PDE5A: variants seen among roughly 807,000 people sequenced by gnomAD.
PDE5A encodes cGMP-specific 3',5'-cyclic phosphodiesterase.
PDE5A carries 67 observed loss-of-function variants against 110.2 expected under a neutral mutation model. The ratio of observed to expected loss-of-function variants is 0.61; its 90% CI spans 0.50 to 0.75. The LOEUF is 0.75. Among genes scored for constraint, PDE5A ranks in the 30% least tolerant of loss-of-function variants. The pLI is 0.00. For synonymous variants in PDE5A, 328 were observed against 351.2 expected (o/e 0.93, Z 0.74); for missense variants, 862 against 1,045.1 (o/e 0.82, Z 2.42).
At chr4:119,609,015 A>G (rs2110551552) in intron 1 of PDE5A, among the ~76,000 whole-genome samples, 1 of 152,156 alleles carries the variant, frequency 6.6e-6, no homozygotes, top group East Asian at 1.9e-4. Flanking sequence ...AAAAAAAATT[A>G]GCCGGGCTTG....
At chr4:119,596,496 C>G in intron 3 of PDE5A, 27 bp downstream of exon 3, 2 of 1,300,122 alleles carry the variant, frequency 1.5e-6, no homozygotes, top group South Asian at 1.5e-5. Context: ...TTCCAATGAC[C>G]TTTTATAAAA....
rs573593307 is a variant in PDE5A at position 119,527,690 on chromosome 4, G to C, written c.1633-1995C>G. On this transcript the variant is annotated intron_variant, in intron 11 of 20. Coordinates refer to ENST00000354960, the MANE Select transcript of PDE5A (RefSeq NM_001083.4). ...CAGATTTTCACAGTTTCTTGTTTTAGTGACTTTTATTCATTAGAATTAGCA... is the reference window on the plus strand; with the variant it reads ...CAGATTTTCACAGTTTCTTGTTTTACTGACTTTTATTCATTAGAATTAGCA... Among the ~76,000 whole-genome samples the C allele has an allele frequency of 1.9e-4, 29 of 151,464 alleles. 1 individual carries two copies. The South Asian group carries it at 6.0e-3, about 31-fold the overall frequency.
intron 1 of PDE5A, chr4:119,628,216 TA>T (rs1169582889): frequency 1.3e-5 from 3 of 223,886 alleles, no homozygotes; most frequent in Admixed American, 5.9e-5. Flanking sequence ...AGAGAGGGGC[TA>T]GGGGAAGGCC....
In PDE5A at chr4:119,551,574, A is replaced by G. The variant is rs148509214; in HGVS notation, c.1396+976T>C. Among the ~76,000 whole-genome samples the G allele has an allele frequency of 1.3e-3, 200 of 152,342 alleles. 1 individual carries two copies. Among genetic ancestry groups the G allele is most frequent in the African/African-American group, 4.6e-3 (193 of 41,590 alleles). On this transcript the variant is annotated intron_variant, in intron 9 of 20. Transcript: ENST00000354960. ...CCTAGTGAAGGCTCACCATATGGTC[A>G]GAATACTCGATGCACACTGATACAA... is the stretch of plus-strand genomic sequence containing the variant.
In PDE5A at chr4:119,570,467, A is replaced by G. The variant is rs1399229956; in HGVS notation, c.832-3323T>C. On this transcript the variant is annotated intron_variant, in intron 3 of 20. Coordinates refer to ENST00000354960, the MANE Select transcript of PDE5A (RefSeq NM_001083.4). ...CACGCTATTTCTGTAAAAGCGCAAA[A>G]AAGCCTTTCTGTTTTCTATTTTACT... Among the ~76,000 whole-genome samples, 6 of 152,172 alleles carry G rather than the reference A, an allele frequency of 3.9e-5. No individual in the cohort carries two copies. The East Asian group carries it at 9.6e-4, about 24-fold the overall frequency.
At chr4:119,600,117 A>G (rs1012830667) in intron 2 of PDE5A, among the ~76,000 whole-genome samples, 1 of 152,096 alleles carries the variant, frequency 6.6e-6, no homozygotes, top group Non-Finnish European at 1.5e-5. Flanking sequence ...GCGAAAGGAA[A>G]TTCTGTAGTC....
intron 20 of PDE5A, 80 bp from the exon 21 acceptor site, chr4:119,498,818 A>G (rs1223009641): frequency 7.0e-7 from 1 of 1,427,334 alleles, no homozygotes; most frequent in Non-Finnish European, 9.8e-7. Context: ...ACAAAGGGCC[A>G]CATCCCACAC....
At chr4:119,566,990 C>A in intron 4 of PDE5A, 83 bp downstream of exon 4, 1 of 911,330 alleles carries the variant, frequency 1.1e-6, no homozygotes, top group South Asian at 1.5e-5. Context: ...ACAATTTCAG[C>A]AACAGCTAAA....
intron 10 of PDE5A, chr4:119,541,804 C>G (rs568034208): frequency 6.6e-6 from 1 of 152,026 alleles, no homozygotes; most frequent in African/African-American, 2.4e-5. Flanking sequence ...CTCGGTCAGT[C>G]CCTGGGAGCC....
At chr4:119,596,492 T>TTTATAAAATTG in intron 3 of PDE5A, 31 bp downstream of exon 3, 1 of 1,214,794 alleles carries the variant, frequency 8.2e-7, no homozygotes, top group East Asian at 2.4e-5. Flanking sequence ...ATATTTCCAA[T>TTTATAAAATTG]GACCTTTTAT....
In PDE5A at chr4:119,501,176, C is replaced by G. The variant is rs201796632; in HGVS notation, c.2484G>C (p.Leu828=). 1.3e-5 allele frequency: 20 copies of G among 1,599,800 alleles called. No individual in the cohort carries two copies. The highest frequency in any genetic ancestry group is 4.0e-5 in the African/African-American group (3 of 74,710). ...VGFIDAICLQ[L]YEALTHVSED... ...GTAGTTTTCATATAAATACCTCATACAGTTGCAAGCAGATGGCATCTATGA... is the reference window on the plus strand; with the variant it reads ...GTAGTTTTCATATAAATACCTCATAGAGTTGCAAGCAGATGGCATCTATGA... The change falls in exon 20 of 21, where the codon CTG becomes CTC. Residue 828 remains leucine (L), a synonymous_variant. Transcript: ENST00000354960.
At chr4:119,515,707 C>T (rs1217418328) in intron 14 of PDE5A, among the ~76,000 whole-genome samples, 1 of 152,040 alleles carries the variant, frequency 6.6e-6, no homozygotes, top group Non-Finnish European at 1.5e-5. Context: ...ATATAACTAG[C>T]TGCTCATTAT....
At chr4:119,615,005 G>GAT (rs1215756339) in intron 1 of PDE5A, among the ~76,000 whole-genome samples, 3 of 152,120 alleles carry the variant, frequency 2.0e-5, no homozygotes, top group Admixed American at 6.5e-5. Context: ...ACAATCAGGT[G>GAT]ATAATTCTAG....
chr4:119,610,977 T>C (rs1729721476), intron 1 of PDE5A, among the ~76,000 whole-genome samples: 1 of 152,184 alleles, frequency 6.6e-6, no homozygotes, highest in African/African-American at 2.4e-5. Flanking sequence ...GGCTTTTCAT[T>C]GAACTGAGAA....
chr4:119,500,766 A>AATC (rs1725283617), intron 20 of PDE5A: 4 of 153,516 alleles, frequency 2.6e-5, no homozygotes, highest in African/African-American at 9.6e-5. Flanking sequence ...CCTTCCTTTT[A>AATC]ATCTCAGAAG....
At position 119,606,692 on chromosome 4, in the gene PDE5A, C is replaced by T. The variant is rs142048284; in HGVS notation, c.741+17G>A. 2 of 1,596,094 alleles carry T rather than the reference C, an allele frequency of 1.3e-6. No homozygotes were observed. The highest frequency in any genetic ancestry group is 2.2e-5 in the East Asian group (1 of 44,766). On this transcript the variant is annotated intron_variant, in intron 2 of 20. Coordinates refer to ENST00000354960, the MANE Select transcript of PDE5A (RefSeq NM_001083.4). ...CCCTCCCCAGCACTGGTCCTGCTCT[C>T]ATGCTCCCCTGTTTACCTCATATGC...
At chr4:119,510,551 T>C (rs1258456787) in intron 15 of PDE5A, among the ~76,000 whole-genome samples, 1 of 152,094 alleles carries the variant, frequency 6.6e-6, no homozygotes, top group East Asian at 1.9e-4. Context: ...TTGTTTTCCT[T>C]AACATAAGTA....
intron 5 of PDE5A, among the ~76,000 whole-genome samples, chr4:119,563,792 C>T (rs1326849553): frequency 6.6e-6 from 1 of 151,956 alleles, no homozygotes; most frequent in Non-Finnish European, 1.5e-5. Flanking sequence ...TGGTGTGATC[C>T]CATCTGTTTG....
intron 13 of PDE5A, 91 bp from the exon 14 acceptor site, chr4:119,519,230 C>A: frequency 1.1e-6 from 1 of 910,134 alleles, no homozygotes; most frequent in East Asian, 2.5e-5. Context: ...CTTTTTTTTC[C>A]CCTCAGTGCT....
Sources: allele counts gnomAD v4.1 joint callset (sites outside exome capture counted in the v4.1 genomes callset), GRCh38; gene constraint gnomAD v4.1.1; transcripts MANE v1.5; gene names NCBI Gene and HGNC (gene_info 2026-07-23, HGNC 2026-07-21).